Variants in SSBP3 observed in about 807,000 individuals in gnomAD.
SSBP3 encodes the protein single stranded DNA binding protein 3.
In SSBP3, 5 loss-of-function variants were observed where a neutral mutation model predicts 69.6. That is an observed-to-expected ratio of 0.07 (90% CI 0.04 to 0.15). The LOEUF (loss-of-function observed/expected upper bound fraction) is 0.15. Ranked by LOEUF, SSBP3 falls within the 10% of genes least tolerant of loss-of-function variation. The pLI is 1.00. For synonymous variants in SSBP3, 196 were observed against 193.4 expected (o/e 1.01, Z -0.11); for missense variants, 312 against 534.0 (o/e 0.58, Z 4.10).
chr1:54,292,664 C>T (rs1166509512), intron 4 of SSBP3, among the ~76,000 whole-genome samples: 1 of 152,168 alleles, frequency 6.6e-6, no homozygotes, highest in Non-Finnish European at 1.5e-5. Flanking sequence ...ACCCCAATCC[C>T]AGCCCTCAGG....
chr1:54,344,118 G>A (rs939478442), intron 4 of SSBP3, among the ~76,000 whole-genome samples: 2 of 152,168 alleles, frequency 1.3e-5, no homozygotes, highest in African/African-American at 4.8e-5. Context: ...AGTCACTCCA[G>A]TGGACTGACA....
intron 4 of SSBP3, among the ~76,000 whole-genome samples, chr1:54,345,584 G>A (rs926261214): frequency 2.0e-5 from 3 of 152,190 alleles, no homozygotes; most frequent in Non-Finnish European, 2.9e-5. Flanking sequence ...GTGCTTGCAT[G>A]AACATCTCCT....
intron 4 of SSBP3, among the ~76,000 whole-genome samples, chr1:54,284,215 T>A (rs1357696058): frequency 1.3e-5 from 2 of 149,542 alleles, no homozygotes; most frequent in East Asian, 4.0e-4. Context: ...ATTACAGGCA[T>A]GAGCCACCAC....
At chr1:54,240,789 C>T (rs1644621437) in intron 13 of SSBP3, 116 bp downstream of exon 13, 6 of 1,370,060 alleles carry the variant, frequency 4.4e-6, no homozygotes, top group Non-Finnish European at 6.2e-6. Context: ...GATGTGCTGC[C>T]CAGGAAGGAG....
intron 4 of SSBP3, among the ~76,000 whole-genome samples, chr1:54,347,667 G>A (rs553797572): frequency 6.6e-6 from 1 of 152,340 alleles, no homozygotes; most frequent in South Asian, 2.1e-4. Context: ...GCAATGACTG[G>A]TATCCATATG....
intron 4 of SSBP3, among the ~76,000 whole-genome samples, chr1:54,367,448 C>T (rs1002463230): frequency 2.6e-5 from 4 of 152,220 alleles, no homozygotes; most frequent in African/African-American, 9.7e-5. Context: ...GTCTCCACTA[C>T]TGAGCTCTTA....
At chr1:54,368,865 TCTCTA>T (rs1647073466) in intron 4 of SSBP3, among the ~76,000 whole-genome samples, 1 of 152,150 alleles carries the variant, frequency 6.6e-6, no homozygotes, top group Admixed American at 6.5e-5. Flanking sequence ...GCAAGTCGTC[TCTCTA>T]TTCTAGACAC....
chr1:54,254,817 ATTTC>A (rs1249839540), intron 7 of SSBP3, among the ~76,000 whole-genome samples: 1 of 151,960 alleles, frequency 6.6e-6, no homozygotes, highest in Non-Finnish European at 1.5e-5. Flanking sequence ...ACCAGTGTGG[ATTTC>A]TTTTTTTATC....
At chr1:54,356,424 C>T (rs1414493270) in intron 4 of SSBP3, 1 of 152,270 alleles carries the variant, frequency 6.6e-6, no homozygotes, top group Non-Finnish European at 1.5e-5. Context: ...CCTGGCAACT[C>T]CCAAGCGCAG....
chr1:54,384,122 A>AAAAAAAAAAAAAAC (rs1647897596), intron 4 of SSBP3, among the ~76,000 whole-genome samples: 1 of 151,772 alleles, frequency 6.6e-6, no homozygotes, highest in Non-Finnish European at 1.5e-5. Flanking sequence ...AAAAAAAAAA[A>AAAAAAAAAAAAAAC]AAAGCAAGAA....
At chr1:54,351,732 G>A (rs778813298) in intron 4 of SSBP3, among the ~76,000 whole-genome samples, 1 of 152,166 alleles carries the variant, frequency 6.6e-6, no homozygotes, top group Non-Finnish European at 1.5e-5. Context: ...TTACTCCCAC[G>A]GAGTGACCTC....
exon 18 of SSBP3, chr1:54,226,891 G>A: frequency 1.9e-6 from 1 of 539,112 alleles, no homozygotes; most frequent in Non-Finnish European, 3.4e-6. Flanking sequence ...TCACTGACTT[G>A]AAATACATTT....
exon 7 of SSBP3, chr1:54,257,160 G>A: frequency 3.7e-6 from 6 of 1,602,308 alleles, no homozygotes; most frequent in East Asian, 2.3e-5. Context: ...GCCTGGGGCC[G>A]CCTGCGTATC....
rs1553120721 is a variant in SSBP3, at chr1:54,227,188, G to GT, written c.1138-29_1138-28insA. ...GGAAAGGAGAAGCAGAGAAGGGGGG[G>GT]GGGTGAGGATTGTGGGGAGGCCGCT... On this transcript the variant is annotated intron_variant, in intron 17 of 17. Coordinates refer to ENST00000610401, the Ensembl canonical transcript of SSBP3. 5 of 1,041,932 alleles carry GT rather than the reference G, an allele frequency of 4.8e-6. 1 individual carries two copies. Among genetic ancestry groups the GT allele is most frequent in the Non-Finnish European group, 7.2e-6 (5 of 696,654 alleles). 64.5% of individuals were successfully genotyped at this position (1,041,932 alleles called of 1,614,324 possible).
At chr1:54,345,336 C>T (rs1218802866) in intron 4 of SSBP3, among the ~76,000 whole-genome samples, 1 of 152,226 alleles carries the variant, frequency 6.6e-6, no homozygotes, top group East Asian at 1.9e-4. Flanking sequence ...TCCCAGCTAC[C>T]AAGGCAGCCT....
intron 4 of SSBP3, among the ~76,000 whole-genome samples, chr1:54,360,493 G>A (rs982819093): frequency 6.6e-6 from 1 of 152,138 alleles, no homozygotes; most frequent in Admixed American, 6.5e-5. Flanking sequence ...AAGGGGCTCA[G>A]GGGTCCCCAG....
intron 4 of SSBP3, among the ~76,000 whole-genome samples, chr1:54,308,600 C>CAAA (rs397862361): frequency 1.8e-3 from 186 of 101,152 alleles, no homozygotes; most frequent in African/African-American, 6.3e-3. Context: ...GACTCCATCT[C>CAAA]AAAAAAAAAA....
chr1:54,350,843 C>CT (rs1250798632), intron 4 of SSBP3, among the ~76,000 whole-genome samples: 109 of 148,592 alleles, frequency 7.3e-4, no homozygotes, highest in Admixed American at 1.7e-3. Context: ...TTCTCAGATG[C>CT]TTTTTTTTTT....
intron 14 of SSBP3, among the ~76,000 whole-genome samples, chr1:54,236,210 G>C (rs1220008248): frequency 6.6e-6 from 1 of 152,014 alleles, no homozygotes; most frequent in Non-Finnish European, 1.5e-5. Context: ...CCACCTCCCA[G>C]GCTCAAGCGA....
Sources: gnomAD v4.1 joint callset for allele counts (sites outside exome capture counted in the v4.1 genomes callset) on GRCh38, gnomAD v4.1.1 for gene constraint, MANE v1.5 for transcripts, NCBI Gene and HGNC (gene_info 2026-07-23, HGNC 2026-07-21) for gene names.